Variants in KCNIP4 observed in about 807,000 individuals in gnomAD.
The protein encoded by KCNIP4 is Kv channel-interacting protein 4.
KCNIP4 carries 12 observed loss-of-function variants against 34.0 expected under a neutral mutation model. That is an observed-to-expected ratio of 0.35 (90% CI 0.23 to 0.57). KCNIP4 has a LOEUF of 0.57. KCNIP4 is among the 20% of genes least tolerant of loss of function. The probability of loss-of-function intolerance (pLI) is 0.83; values close to 1 mark genes in which losing one functional copy is unlikely to be tolerated. For synonymous variants in KCNIP4, 124 were observed against 102.2 expected (o/e 1.21, Z -1.29); for missense variants, 238 against 311.7 (o/e 0.76, Z 1.78).
intron 1 of KCNIP4, among the ~76,000 whole-genome samples, chr4:21,866,638 C>T (rs1457990478): frequency 2.6e-5 from 4 of 151,982 alleles, no homozygotes; most frequent in South Asian, 2.1e-4. Context: ...CCATGCACAT[C>T]GACAATGACA....
intron 3 of KCNIP4, among the ~76,000 whole-genome samples, chr4:20,823,407 T>A (rs1358867282): frequency 6.6e-6 from 1 of 152,156 alleles, no homozygotes. Flanking sequence ...ATGATCATGT[T>A]ATGGAGTGAA....
intron 3 of KCNIP4, among the ~76,000 whole-genome samples, chr4:20,764,111 G>T (rs1405263732): frequency 6.6e-6 from 1 of 151,896 alleles, no homozygotes; most frequent in Non-Finnish European, 1.5e-5. Context: ...TAACCCTTAT[G>T]GTTCTGTATT....
intron 1 of KCNIP4, among the ~76,000 whole-genome samples, chr4:21,863,557 A>G (rs970021350): frequency 6.6e-6 from 1 of 152,188 alleles, no homozygotes; most frequent in African/African-American, 2.4e-5. Flanking sequence ...CTGAGGAAGG[A>G]AGAGAGGCAC....
At chr4:21,217,735 G>A (rs1038736889) in intron 1 of KCNIP4, among the ~76,000 whole-genome samples, 1 of 152,054 alleles carries the variant, frequency 6.6e-6, no homozygotes, top group Admixed American at 6.6e-5. Context: ...TGGGTCAAAG[G>A]CATGGAAGGA....
rs3113739 is a variant in KCNIP4, at chr4:21,559,301, C to A, written c.61+389270G>T. Among the ~76,000 whole-genome samples the A allele has an allele frequency of 9.3e-4, 141 of 152,216 alleles. 1 individual carries two copies. The highest frequency in any genetic ancestry group is 3.3e-3 in the African/African-American group (138 of 41,552). On this transcript the variant is annotated intron_variant, in intron 1 of 8. Coordinates refer to ENST00000382152, the MANE Select transcript of KCNIP4 (RefSeq NM_025221.6). ...TGAGGTTCATTTAATCCAAGTCTTA[C>A]AATTTGAATGAGGACACTGAGTCAC...
At chr4:20,804,648 ACT>A (rs1714830798) in intron 3 of KCNIP4, among the ~76,000 whole-genome samples, 1 of 151,824 alleles carries the variant, frequency 6.6e-6, no homozygotes, top group Admixed American at 6.6e-5. Flanking sequence ...CTTTTGTTAT[ACT>A]CTCTTTCTAC....
intron 1 of KCNIP4, among the ~76,000 whole-genome samples, chr4:21,462,600 C>CT (rs1272112179): frequency 6.6e-6 from 1 of 152,062 alleles, no homozygotes; most frequent in Non-Finnish European, 1.5e-5. Flanking sequence ...ATTCAATTCT[C>CT]TACATCAGTG....
intron 1 of KCNIP4, among the ~76,000 whole-genome samples, chr4:21,189,345 G>A (rs994673508): frequency 6.6e-6 from 1 of 151,928 alleles, no homozygotes; most frequent in Non-Finnish European, 1.5e-5. Context: ...TCCAGCTCCT[G>A]GTCCTTTTTA....
intron 1 of KCNIP4, among the ~76,000 whole-genome samples, chr4:21,670,478 G>C (rs1352682493): frequency 2.0e-5 from 3 of 150,766 alleles, no homozygotes; most frequent in African/African-American, 7.3e-5. Flanking sequence ...GCTAGATGAC[G>C]AGTTAGTGAG....
At chr4:21,563,421 T>C (rs922657235) in intron 1 of KCNIP4, among the ~76,000 whole-genome samples, 2 of 152,118 alleles carry the variant, frequency 1.3e-5, no homozygotes, top group Admixed American at 1.3e-4. Flanking sequence ...TGCTTAATCT[T>C]TCTGTGTGTT....
chr4:21,923,209 A>G (rs951933315), intron 1 of KCNIP4, among the ~76,000 whole-genome samples: 9 of 152,230 alleles, frequency 5.9e-5, no homozygotes, highest in African/African-American at 2.2e-4. Context: ...GCTTCTACCA[A>G]CAGACTGGCC....
chr4:21,637,202 T>C (rs548104331), intron 1 of KCNIP4, among the ~76,000 whole-genome samples: 2 of 152,300 alleles, frequency 1.3e-5, no homozygotes, highest in East Asian at 3.9e-4. Context: ...TTATATCCGT[T>C]TTAATTCTCA....
intron 3 of KCNIP4, among the ~76,000 whole-genome samples, chr4:20,768,792 C>T (rs547351882): frequency 1.3e-4 from 20 of 152,196 alleles, no homozygotes; most frequent in African/African-American, 4.6e-4. Context: ...TTCCTGAACA[C>T]ACTTCTGGGG....
At chr4:21,201,092 T>A (rs1429322315) in intron 1 of KCNIP4, among the ~76,000 whole-genome samples, 1 of 152,226 alleles carries the variant, frequency 6.6e-6, no homozygotes, top group South Asian at 2.1e-4. Context: ...TTTCTCCCTA[T>A]AAGCTTTTCT....
intron 1 of KCNIP4, among the ~76,000 whole-genome samples, chr4:21,336,186 C>T (rs529707386): frequency 6.6e-6 from 1 of 152,036 alleles, no homozygotes; most frequent in Non-Finnish European, 1.5e-5. Context: ...ATTCGATATT[C>T]ACCTTGTATA....
chr4:20,955,176 G>A (rs1733168197), intron 1 of KCNIP4, among the ~76,000 whole-genome samples: 1 of 152,202 alleles, frequency 6.6e-6, no homozygotes, highest in African/African-American at 2.4e-5. Context: ...CTCACCTGCA[G>A]CCTATTCATT....
At chr4:20,740,074 A>C (rs1309624545) in intron 5 of KCNIP4, among the ~76,000 whole-genome samples, 3 of 152,176 alleles carry the variant, frequency 2.0e-5, no homozygotes, top group Admixed American at 6.5e-5. Flanking sequence ...TCCAGGAAAT[A>C]TGGGACTATG....
In KCNIP4 at chr4:20,732,698, C is replaced by T. The variant is rs1433250199; in HGVS notation, c.625G>A (p.Val209Ile). 4 of 1,610,506 alleles carry T rather than the reference C, an allele frequency of 2.5e-6. No individual in the cohort carries two copies. Among genetic ancestry groups the T allele is most frequent in the Non-Finnish European group, 3.4e-6 (4 of 1,177,070 alleles). The change falls in exon 7 of 9, where the codon GTT becomes ATT. Residue 209 changes from valine (V) to isoleucine (I), a missense_variant. Coordinates refer to ENST00000382152, the MANE Select transcript of KCNIP4 (RefSeq NM_025221.6). The stretch of plus-strand genomic sequence containing the variant: ...ATTCCTACCTGAAAAAATGTTTCAA[C>T]GTGTTGTCTGGGAGCATCTTCTTTG... ...VLKEDAPRQH[V>I]ETFFQKMDKN...
At chr4:21,777,303 C>T (rs1326570610) in intron 1 of KCNIP4, among the ~76,000 whole-genome samples, 3 of 152,164 alleles carry the variant, frequency 2.0e-5, no homozygotes, top group Non-Finnish European at 4.4e-5. Flanking sequence ...ATACAGATGT[C>T]TTCACTCTCT....
Sources: allele counts gnomAD v4.1 joint callset (sites outside exome capture counted in the v4.1 genomes callset), GRCh38; gene constraint gnomAD v4.1.1; transcripts MANE v1.5; gene names NCBI Gene and HGNC (gene_info 2026-07-23, HGNC 2026-07-21).